The following SHANK2 variants were observed in gnomAD, a reference collection of about 807,000 sequenced individuals.
The protein encoded by SHANK2 is SH3 and multiple ankyrin repeat domains protein 2.
In SHANK2, 43 loss-of-function variants were observed where a neutral mutation model predicts 133.7. That is an observed-to-expected ratio of 0.32 (90% CI 0.25 to 0.41). The LOEUF is 0.41. SHANK2 is among the 10% of genes least tolerant of loss of function. The pLI is 1.00. For synonymous variants in SHANK2, 1,017 were observed against 952.8 expected (o/e 1.07, Z -1.24); for missense variants, 1,994 against 2,235.8 (o/e 0.89, Z 2.18).
intron 10 of SHANK2, among the ~76,000 whole-genome samples, chr11:70,898,311 C>CACACACACAT (rs1489858585): frequency 2.8e-5 from 4 of 145,074 alleles, no homozygotes; most frequent in South Asian, 2.2e-4. Flanking sequence ...CACACACACA[C>CACACACACAT]ATATATATAT....
intron 17 of SHANK2, among the ~76,000 whole-genome samples, chr11:70,544,191 C>T (rs1388736733): frequency 2.0e-5 from 3 of 152,178 alleles, no homozygotes; most frequent in Non-Finnish European, 2.9e-5. Flanking sequence ...TTCAAATCTC[C>T]ACTCTCCACA....
chr11:70,560,483 G>GTT (rs61143133), intron 17 of SHANK2, among the ~76,000 whole-genome samples: 7 of 95,992 alleles, frequency 7.3e-5, no homozygotes, highest in African/African-American at 2.4e-4. Flanking sequence ...CCCCAGTAGG[G>GTT]TTTTTTTTTT....
intron 1 of SHANK2, among the ~76,000 whole-genome samples, chr11:71,237,624 C>T (rs1954840333): frequency 6.6e-6 from 1 of 152,226 alleles, no homozygotes; most frequent in Non-Finnish European, 1.5e-5. Flanking sequence ...GCCCAGATCA[C>T]ATCGTGGCAC....
At chr11:71,151,099 G>A (rs1952788399) in intron 2 of SHANK2, among the ~76,000 whole-genome samples, 1 of 152,090 alleles carries the variant, frequency 6.6e-6, no homozygotes, top group Non-Finnish European at 1.5e-5. Flanking sequence ...CACCCTGGAA[G>A]CCACTGCCCC....
chr11:71,111,398 G>T (rs187954219), intron 5 of SHANK2, among the ~76,000 whole-genome samples: 1 of 152,196 alleles, frequency 6.6e-6, no homozygotes, highest in Non-Finnish European at 1.5e-5. Context: ...TTCCTGTGAG[G>T]TCATGATGGT....
At chr11:71,087,827 C>T (rs1413443379) in intron 8 of SHANK2, among the ~76,000 whole-genome samples, 3 of 152,110 alleles carry the variant, frequency 2.0e-5, no homozygotes, top group African/African-American at 7.2e-5. Flanking sequence ...CAGGGTTTCA[C>T]CATGTTGGCC....
chr11:70,521,101 T>A (rs2059324850), intron 17 of SHANK2, among the ~76,000 whole-genome samples: 1 of 152,224 alleles, frequency 6.6e-6, no homozygotes, highest in Non-Finnish European at 1.5e-5. Flanking sequence ...ACCCTCTTCA[T>A]GATTATACTG....
intron 9 of SHANK2, among the ~76,000 whole-genome samples, chr11:71,068,632 G>T (rs1433158221): frequency 1.3e-5 from 2 of 152,238 alleles, no homozygotes; most frequent in African/African-American, 2.4e-5. Flanking sequence ...TGCTGGTCCT[G>T]TCTCACAGTG....
intron 14 of SHANK2, among the ~76,000 whole-genome samples, chr11:70,732,210 G>A (rs1198657): frequency 0.044 from 6,657 of 152,162 alleles, 163 homozygotes; most frequent in African/African-American, 0.06. Context: ...CTCTGCCCTG[G>A]CGCCTCATCC....
chr11:71,072,610 A>G (rs1438017842), intron 9 of SHANK2, among the ~76,000 whole-genome samples: 2 of 152,212 alleles, frequency 1.3e-5, no homozygotes, highest in African/African-American at 4.8e-5. Flanking sequence ...TGCATTATCC[A>G]CGACACTCAA....
intron 20 of SHANK2, among the ~76,000 whole-genome samples, chr11:70,501,026 T>C (rs540862922): frequency 1.3e-5 from 2 of 152,232 alleles, no homozygotes; most frequent in Non-Finnish European, 2.9e-5. Flanking sequence ...CTTGCAAAGA[T>C]GAGAGCTGCT....
chr11:70,907,311 C>A (rs1256792019), intron 10 of SHANK2, among the ~76,000 whole-genome samples: 1 of 151,238 alleles, frequency 6.6e-6, no homozygotes, highest in Non-Finnish European at 1.5e-5. Flanking sequence ...CAGGTCCAGC[C>A]CTCAGCACCC....
At chr11:70,782,590 C>G (rs1947527160) in intron 14 of SHANK2, among the ~76,000 whole-genome samples, 1 of 152,246 alleles carries the variant, frequency 6.6e-6, no homozygotes, top group African/African-American at 2.4e-5. Flanking sequence ...AAAGGCAAAC[C>G]ACGCTGTGGG....
intron 17 of SHANK2, among the ~76,000 whole-genome samples, chr11:70,595,210 C>T (rs1298308129): frequency 6.6e-6 from 1 of 152,158 alleles, no homozygotes; most frequent in African/African-American, 2.4e-5. Flanking sequence ...GGTGGCCCTC[C>T]AGGCAGCTTT....
At chr11:70,805,667 A>G (rs73532007) in intron 13 of SHANK2, among the ~76,000 whole-genome samples, 4,198 of 152,342 alleles carry the variant, frequency 0.028, 198 homozygotes, top group African/African-American at 0.096. Context: ...AAACAAAACA[A>G]AAAACTAAGT....
chr11:70,810,608 CTGAA>C (rs1948258597), intron 12 of SHANK2, among the ~76,000 whole-genome samples: 1 of 152,246 alleles, frequency 6.6e-6, no homozygotes, highest in Admixed American at 6.5e-5. Context: ...TGTGGACGGC[CTGAA>C]CCTCCCGTCA....
intron 14 of SHANK2, among the ~76,000 whole-genome samples, chr11:70,761,545 G>C (rs1286806400): frequency 6.6e-6 from 1 of 152,208 alleles, no homozygotes; most frequent in Non-Finnish European, 1.5e-5. Flanking sequence ...CACCTCTATG[G>C]GTCCTCTGGC....
chr11:70,469,290 G>T lies in SHANK2; in HGVS notation c.*3579C>A, dbSNP rs1041945928. 6.6e-6 allele frequency: 1 copy of T among 152,526 alleles called. No homozygotes were observed. The highest frequency in any genetic ancestry group is 2.4e-5 in the African/African-American group (1 of 41,442). The allele number at this position is 152,526 out of a possible 1,614,324, so 9.4% of individuals were successfully genotyped here. A position where few individuals can be genotyped will look rare whatever the true frequency, so the allele number is the denominator to read the frequency against. ...CTCAGTGACAGGAGCCTGTTTACTC[G>T]ATGAGAGAGATTTTTCTGGTCAGTT... On this transcript the variant is annotated 3_prime_UTR_variant, in exon 26 of 26. Transcript: ENST00000601538.
chr11:70,645,638 AC>A (rs1263283285), intron 17 of SHANK2, among the ~76,000 whole-genome samples: 4 of 152,092 alleles, frequency 2.6e-5, no homozygotes, highest in African/African-American at 9.7e-5. Context: ...TGCATATGTC[AC>A]GAATTGGAGG....
Sources: allele counts gnomAD v4.1 joint callset (sites outside exome capture counted in the v4.1 genomes callset), GRCh38; gene constraint gnomAD v4.1.1; transcripts MANE v1.5; gene names NCBI Gene and HGNC (gene_info 2026-07-23, HGNC 2026-07-21).